Variants in ASXL2 observed in about 807,000 individuals in gnomAD.
ASXL2 encodes the protein putative Polycomb group protein ASXL2.
A neutral mutation model predicts 122.0 loss-of-function variants in ASXL2; 23 were observed. The ratio of observed to expected loss-of-function variants is 0.19; its 90% CI spans 0.14 to 0.27. The LOEUF is 0.27. Among genes scored for constraint, ASXL2 ranks in the 10% least tolerant of loss-of-function variants. The pLI is 1.00. For synonymous variants in ASXL2, 650 were observed against 637.0 expected (o/e 1.02, Z -0.31); for missense variants, 1,518 against 1,713.8 (o/e 0.89, Z 2.02).
intron 8 of ASXL2, among the ~76,000 whole-genome samples, chr2:25,760,655 C>A (rs201366289): frequency 1.3e-5 from 2 of 152,136 alleles, no homozygotes; most frequent in Admixed American, 1.3e-4. Flanking sequence ...TGCCTCCTGG[C>A]GGAAGCATAA....
intron 6 of ASXL2, among the ~76,000 whole-genome samples, chr2:25,769,237 C>G (rs1207838363): frequency 1.3e-5 from 2 of 152,112 alleles, no homozygotes; most frequent in Admixed American, 6.5e-5. Flanking sequence ...AAAGCAGAGA[C>G]AGTACGTTTT....
At chr2:25,805,078 G>C (rs573070443) in intron 4 of ASXL2, among the ~76,000 whole-genome samples, 2 of 152,194 alleles carry the variant, frequency 1.3e-5, no homozygotes, top group East Asian at 3.9e-4. Flanking sequence ...AAAGAAATTA[G>C]CAAGCTTGTT....
At position 25,740,836 on chromosome 2, in the gene ASXL2, T is replaced by G. The variant is rs111271284; in HGVS notation, c.*1193A>C. The G allele has an allele frequency of 5.2e-6, 1 of 192,528 alleles. No homozygotes were observed. Among genetic ancestry groups the G allele is most frequent in the Non-Finnish European group, 1.1e-5 (1 of 92,348 alleles). 11.9% of individuals were successfully genotyped at this position (192,528 alleles called of 1,614,324 possible). A position where few individuals can be genotyped will look rare whatever the true frequency, so the allele number is the denominator to read the frequency against. On this transcript the variant is annotated 3_prime_UTR_variant, in exon 13 of 13. Coordinates refer to ENST00000435504, the MANE Select transcript of ASXL2 (RefSeq NM_018263.6). The stretch of plus-strand genomic sequence containing the variant: ...CTTGTATTGTGTGTGTGTGTGTACA[T>G]ACACGTATGTGTAAAGTAAGATATA...
In ASXL2 at chr2:25,743,449, G is replaced by C; in HGVS notation, c.2888C>G (p.Pro963Arg). Residue 963 changes from proline to arginine, a missense_variant, in exon 13 of 13, where the codon CCC becomes CGC. Transcript: ENST00000435504. ...VTQLLQGKDV[P>R]MEQILPKPLT... is the part of the protein sequence containing the mutation. ...AGGTTTAGGCAGAATTTGCTCCATG[G>C]GAACATCTTTGCCTTGAAGCAGCTG... 6.2e-7 allele frequency: 1 copy of C among 1,613,772 alleles called. No homozygotes were observed. Among genetic ancestry groups the C allele is most frequent in the Non-Finnish European group, 8.5e-7 (1 of 1,179,888 alleles).
At chr2:25,845,622 A>C in intron 1 of ASXL2, 59 bp from the exon 2 acceptor site, 1 of 771,476 alleles carries the variant, frequency 1.3e-6, no homozygotes, top group Non-Finnish European at 1.8e-6. Flanking sequence ...ATAATTCTAT[A>C]TATATTTCTT....
At chr2:25,807,587 T>A (rs1222169020) in intron 3 of ASXL2, among the ~76,000 whole-genome samples, 1 of 150,600 alleles carries the variant, frequency 6.6e-6, no homozygotes, top group East Asian at 1.9e-4. Context: ...AATAAATATA[T>A]AAAAATTGCC....
At chr2:25,868,547 G>C (rs2089928740) in intron 1 of ASXL2, among the ~76,000 whole-genome samples, 1 of 152,154 alleles carries the variant, frequency 6.6e-6, no homozygotes, top group Non-Finnish European at 1.5e-5. Context: ...TGTCAAGCAA[G>C]GTCAGACTTA....
At chr2:25,854,966 G>C (rs1036860662) in intron 1 of ASXL2, among the ~76,000 whole-genome samples, 1 of 152,114 alleles carries the variant, frequency 6.6e-6, no homozygotes, top group Non-Finnish European at 1.5e-5. Context: ...CATCCAAATA[G>C]AAACTTTCAG....
intron 3 of ASXL2, among the ~76,000 whole-genome samples, chr2:25,819,203 G>A (rs1181703887): frequency 6.6e-6 from 1 of 152,172 alleles, no homozygotes; most frequent in Non-Finnish European, 1.5e-5. Flanking sequence ...GCATTGCCGA[G>A]GATCAGGTAA....
intron 2 of ASXL2, among the ~76,000 whole-genome samples, chr2:25,842,077 A>T (rs1329591858): frequency 6.6e-6 from 1 of 151,308 alleles, no homozygotes; most frequent in African/African-American, 2.4e-5. Flanking sequence ...GCGCCACTGC[A>T]CTCCAGCCTG....
chr2:25,837,280 A>G (rs2089523183), intron 2 of ASXL2, among the ~76,000 whole-genome samples: 1 of 152,214 alleles, frequency 6.6e-6, no homozygotes, highest in South Asian at 2.1e-4. Flanking sequence ...ATTAATAGGC[A>G]TGGTTTCAAA....
intron 1 of ASXL2, among the ~76,000 whole-genome samples, chr2:25,869,528 A>G (rs532315117): frequency 1.3e-5 from 2 of 152,294 alleles, no homozygotes; most frequent in African/African-American, 4.8e-5. Context: ...CACAATAAAA[A>G]AAGTATTTCA....
chr2:25,762,613 C>T (rs2088273399), intron 8 of ASXL2, among the ~76,000 whole-genome samples: 1 of 139,922 alleles, frequency 7.1e-6, no homozygotes, highest in South Asian at 2.2e-4. Flanking sequence ...TGCAGTGACC[C>T]GAGATCGCAC....
chr2:25,743,710 G>C lies in ASXL2; in HGVS notation c.2627C>G (p.Ala876Gly), dbSNP rs746188337. ...GGGAGTTACAGCCACTGGCACACTAGCATCTGTCTTTGATGAGGCTGAAGG... is the reference window on the plus strand; with the variant it reads ...GGGAGTTACAGCCACTGGCACACTACCATCTGTCTTTGATGAGGCTGAAGG... ...PNPSASSKTD[A>G]SVPVAVTPSP... The change falls in exon 13 of 13, where the codon GCT becomes GGT. Residue 876 changes from alanine (A) to glycine (G), a missense_variant. Around this residue, in one of 8 missense-constraint regions of ASXL2, gnomAD observed 831 missense variants for 833.1 expected, o/e 1.00. Transcript: ENST00000435504. 13 of 1,613,890 alleles carry C rather than the reference G, an allele frequency of 8.1e-6. No homozygotes were observed. The highest frequency in any genetic ancestry group is 5.0e-5 in the Admixed American group (3 of 59,996).
chr2:25,751,867 G>A (rs1036223820), intron 11 of ASXL2, among the ~76,000 whole-genome samples: 5 of 151,602 alleles, frequency 3.3e-5, no homozygotes, highest in Admixed American at 1.3e-4. Context: ...TGCAACCTCC[G>A]CCTCCCAGGT....
intron 2 of ASXL2, among the ~76,000 whole-genome samples, chr2:25,842,297 A>G (rs1008198794): frequency 2.0e-5 from 3 of 152,198 alleles, no homozygotes; most frequent in Non-Finnish European, 4.4e-5. Flanking sequence ...AAGGGTGGTC[A>G]GCATGTACTG....
In ASXL2 at chr2:25,742,308, A is replaced by G; in HGVS notation, c.4029T>C (p.Ser1343=). 6.2e-7 allele frequency: 1 copy of G among 1,613,788 alleles called. No homozygotes were observed. The change falls in exon 13 of 13, where the codon TCT becomes TCC. Residue 1343 remains serine, a synonymous_variant. Coordinates refer to ENST00000435504, the MANE Select transcript of ASXL2 (RefSeq NM_018263.6). ...VSTSSDMDHN[S]AVPGSQVSSN... ...TAGATACCTGGCTACCTGGTACAGC[A>G]GAGTTATGGTCCATGTCAGATGAGG...
intron 5 of ASXL2, among the ~76,000 whole-genome samples, chr2:25,796,147 G>C (rs2088908242): frequency 1.3e-5 from 2 of 152,128 alleles, no homozygotes; most frequent in Middle Eastern, 3.2e-3. Context: ...TTCTCTCCAG[G>C]AGTAGCAAAA....
intron 1 of ASXL2, among the ~76,000 whole-genome samples, chr2:25,849,163 A>C (rs1252420428): frequency 6.9e-6 from 1 of 144,736 alleles, no homozygotes; most frequent in African/African-American, 2.6e-5. Flanking sequence ...TTAGGCCAGG[A>C]ACAGTGGCTC....
Sources: allele counts gnomAD v4.1 joint callset (sites outside exome capture counted in the v4.1 genomes callset), GRCh38; gene constraint gnomAD v4.1.1; regional missense constraint gnomAD v4.1.1; transcripts MANE v1.5; gene names NCBI Gene and HGNC (gene_info 2026-07-23, HGNC 2026-07-21).